EEF1A2: variants seen among roughly 807,000 people sequenced by gnomAD.
The protein encoded by EEF1A2 is elongation factor 1-alpha 2.
EEF1A2 carries 5 observed loss-of-function variants against 39.3 expected under a neutral mutation model. The observed-to-expected ratio is 0.13, with a 90% CI of 0.07 to 0.27. EEF1A2 has a LOEUF of 0.27. Ranked by LOEUF, EEF1A2 falls within the 10% of genes least tolerant of loss-of-function variation. The pLI is 1.00. For missense variants in EEF1A2, 218 were observed against 681.4 expected (o/e 0.32, Z 7.57); for synonymous variants, 287 against 293.7 (o/e 0.98, Z 0.23).
intron 5 of EEF1A2, 35 bp downstream of exon 5, chr20:63,493,088 GCAGGCAGAGCTGGC>G: frequency 6.5e-7 from 1 of 1,533,224 alleles, no homozygotes; most frequent in Non-Finnish European, 8.8e-7. Flanking sequence ...CTGGTCTAGG[GCAGGCAGAGCTGGC>G]CAGGCAGGAG....
intron 4 of EEF1A2, 60 bp from the exon 5 acceptor site, chr20:63,493,347 G>T: frequency 6.9e-7 from 1 of 1,457,818 alleles, no homozygotes. Flanking sequence ...CCACCCTCAG[G>T]CCTCCCCAGG....
rs1166766963 is a variant in EEF1A2 at position 63,490,666 on chromosome 20, G to A, written c.842C>T (p.Ala281Val). ...ILRPGMVVTFAPVNITTEVKS... is the reference protein window; with the variant it reads ...ILRPGMVVTFVPVNITTEVKS... The stretch of plus-strand genomic sequence containing the variant: ...CACCTCAGTGGTGATGTTCACTGGC[G>A]CAAAGGTCACCACCATGCCCGGCCG... Residue 281 changes from alanine to valine, a missense_variant, in exon 6 of 8, where the codon GCG (alanine) becomes GTG (valine). Ala to Val is a moderately conservative substitution (Grantham distance 64). This residue lies in a region of EEF1A2 where 80 missense variants were observed against 295.9 expected (regional missense o/e 0.27). Transcript: ENST00000217182. 9.3e-6 allele frequency: 15 copies of A among 1,611,638 alleles called. No homozygotes were observed. Among genetic ancestry groups the A allele is most frequent in the East Asian group, 2.2e-5 (1 of 44,888 alleles).
rs1741616 is a variant in EEF1A2 at position 63,498,213 on chromosome 20, C to G, written c.-71-379G>C. On this transcript the variant is annotated intron_variant, in intron 1 of 7. Coordinates refer to ENST00000217182, the MANE Select transcript of EEF1A2 (RefSeq NM_001958.5). The surrounding 1 kb of genome is among the most constrained non-coding windows in gnomAD (Gnocchi z 4.1). The stretch of plus-strand genomic sequence containing the variant: ...CAGCGCTCCAGGGCCCTGTCCTGCA[C>G]GCGCACTCCCCTCCCCGGCGGCAGG... 2 of 152,806 alleles carry G rather than the reference C, an allele frequency of 1.3e-5. No homozygotes were observed. The highest frequency in any genetic ancestry group is 2.9e-5 in the Non-Finnish European group (2 of 68,604). The allele number at this position is 152,806 out of a possible 1,614,324, so 9.5% of individuals were successfully genotyped here.
chr20:63,495,109 GCAGGGGACA>G lies in EEF1A2; in HGVS notation c.325-17_325-9del. On this transcript the variant is annotated splice_polypyrimidine_tract_variant and intron_variant, in intron 3 of 7. Coordinates refer to ENST00000217182, the MANE Select transcript of EEF1A2 (RefSeq NM_001958.5). Reference sequence around the variant, plus strand: ...CAGCACTGCGCAGTCCGCCTGCCCGGCAGGGGACACAGTGAGCCCTGCCCCGCCTGCCTG... The same window carrying G: ...CAGCACTGCGCAGTCCGCCTGCCCGGCAGTGAGCCCTGCCCCGCCTGCCTG... The G allele has an allele frequency of 6.2e-7, 1 of 1,604,656 alleles. No individual in the cohort carries two copies. The highest frequency in any genetic ancestry group is 8.5e-7 in the Non-Finnish European group (1 of 1,177,480).
In EEF1A2 at chr20:63,495,766, C is replaced by G. The variant is rs2082413492; in HGVS notation, c.324+90G>C. 2.7e-6 allele frequency: 4 copies of G among 1,506,318 alleles called. 1 individual carries two copies. In the South Asian group the frequency reaches 5.1e-5, roughly 19 times the overall value. 93.3% of individuals were successfully genotyped at this position (1,506,318 alleles called of 1,614,324 possible). A position where few individuals can be genotyped will look rare whatever the true frequency, so the allele number is the denominator to read the frequency against. ...TGCCCTCACAGGAAGCACAGGAGAC[C>G]CTACCATCCCAGTGACCCCAGGGGC... is the stretch of plus-strand genomic sequence containing the variant. On this transcript the variant is annotated intron_variant, in intron 3 of 7. Coordinates refer to ENST00000217182, the MANE Select transcript of EEF1A2 (RefSeq NM_001958.5).
intron 2 of EEF1A2, chr20:63,496,348 G>A (rs781455795): frequency 4.2e-5 from 15 of 355,900 alleles, no homozygotes; most frequent in African/African-American, 8.5e-5. Flanking sequence ...AACCCCTCCC[G>A]GGCGAGGGCT....
At chr20:63,496,397 C>T (rs767341895) in intron 2 of EEF1A2, 9 of 266,808 alleles carry the variant, frequency 3.4e-5, no homozygotes, top group Non-Finnish European at 5.8e-5. Context: ...CAGATCCCTT[C>T]CTCAACCAGA....
chr20:63,491,491 G>T (rs1236543039), intron 5 of EEF1A2, among the ~76,000 whole-genome samples: 3 of 152,238 alleles, frequency 2.0e-5, no homozygotes. Context: ...GTGCTGGGGT[G>T]AGCATGATGC....
intron 5 of EEF1A2, among the ~76,000 whole-genome samples, chr20:63,491,534 C>T (rs917928542): frequency 6.6e-6 from 1 of 152,168 alleles, no homozygotes; most frequent in Non-Finnish European, 1.5e-5. Context: ...CCTGCAACAT[C>T]TTTGGCTGCA....
intron 6 of EEF1A2, among the ~76,000 whole-genome samples, chr20:63,489,766 G>C (rs1020410149): frequency 6.6e-5 from 10 of 152,080 alleles, no homozygotes; most frequent in African/African-American, 1.9e-4. Context: ...CTGGGCAACA[G>C]AGCGAGACTC....
chr20:63,488,660 C>A (rs558454340), intron 7 of EEF1A2, among the ~76,000 whole-genome samples: 2 of 152,362 alleles, frequency 1.3e-5, no homozygotes, highest in African/African-American at 4.8e-5. Context: ...ACTGGGCGAC[C>A]GCGGGCCTTC....
In EEF1A2 at chr20:63,488,169, TGCAGACATGC is replaced by T. The variant is rs2082360396; in HGVS notation, c.*119_*128del. The T allele has an allele frequency of 2.1e-6, 1 of 486,674 alleles. No homozygotes were observed. Among genetic ancestry groups the T allele is most frequent in the Admixed American group, 9.3e-5 (1 of 10,754 alleles). 30.1% of individuals were successfully genotyped at this position (486,674 alleles called of 1,614,324 possible). The stretch of plus-strand genomic sequence containing the variant: ...ACCGAGGGCCTCTGGCAAGCGGAGG[TGCAGACATGC>T]GCCTGGCGGGGGTGCGGGGCGCCGG... On this transcript the variant is annotated 3_prime_UTR_variant, in exon 8 of 8. Coordinates refer to ENST00000217182, the MANE Select transcript of EEF1A2 (RefSeq NM_001958.5).
chr20:63,494,782 G>T, intron 4 of EEF1A2, 23 bp downstream of exon 4: 1 of 1,598,002 alleles, frequency 6.3e-7, no homozygotes. Flanking sequence ...CCCGTGGCCC[G>T]CCCCGCCCTA....
At chr20:63,491,073 G>A (rs181150064) in intron 5 of EEF1A2, among the ~76,000 whole-genome samples, 9 of 152,320 alleles carry the variant, frequency 5.9e-5, no homozygotes, top group South Asian at 2.1e-4. Context: ...CCTTGCCCCC[G>A]GAGAGCACTT....
chr20:63,496,193 C>G (rs549872030), intron 2 of EEF1A2, 158 bp from the exon 3 acceptor site: 21 of 860,178 alleles, frequency 2.4e-5, no homozygotes, highest in Non-Finnish European at 3.5e-5. Context: ...CGGCCCCCTC[C>G]GTCGGGACCC....
rs1248934076 is a variant in EEF1A2, at chr20:63,493,204, G to A, written c.705C>T (p.Ile235=). 2 of 1,548,836 alleles carry A rather than the reference G, an allele frequency of 1.3e-6. No homozygotes were observed. The highest frequency in any genetic ancestry group is 1.2e-5 in the South Asian group (1 of 83,970). Residue 235 remains isoleucine, a synonymous_variant, in exon 5 of 8, where the codon ATC becomes ATT. Coordinates refer to ENST00000217182, the MANE Select transcript of EEF1A2 (RefSeq NM_001958.5). ...TGTCCGTGGGGCGCGTGGGGGGCAG[G>A]ATGGTGTCCAGGGCCTCCAGCAGGG... ...GVSLLEALDT[I]LPPTRPTDKP...
At chr20:63,492,466 ATG>A (rs1384738216) in intron 5 of EEF1A2, among the ~76,000 whole-genome samples, 1,608 of 142,180 alleles carry the variant, frequency 0.011, no homozygotes, top group African/African-American at 0.044. Flanking sequence ...GGATGGATGG[ATG>A]GAGAGATGGA....
At position 63,490,725 on chromosome 20, in the gene EEF1A2, C is replaced by T. The variant is rs370695849; in HGVS notation, c.783G>A (p.Thr261=). Reference sequence around the variant, plus strand: ...CGGTCTCCACCCGGCCCACGGGCACCGTGCCAATGCCTGCAGAGGGGAGGG... The same window carrying T: ...CGGTCTCCACCCGGCCCACGGGCACTGTGCCAATGCCTGCAGAGGGGAGGG... ...QDVYKIGGIG[T]VPVGRVETGI... Residue 261 remains threonine, a synonymous_variant, in exon 6 of 8, where the codon ACG becomes ACA. Coordinates refer to ENST00000217182, the MANE Select transcript of EEF1A2 (RefSeq NM_001958.5). The T allele has an allele frequency of 6.3e-6, 10 of 1,599,818 alleles. 1 individual carries two copies. The East Asian group carries it at 6.7e-5, about 11-fold the overall frequency.
rs1226333365 is a variant in EEF1A2 at position 63,497,824 on chromosome 20, C to G, written c.-61G>C. 2 of 1,570,256 alleles carry G rather than the reference C, an allele frequency of 1.3e-6. No individual in the cohort carries two copies. The highest frequency in any genetic ancestry group is 2.7e-5 in the African/African-American group (2 of 73,988). On this transcript the variant is annotated 5_prime_UTR_variant, in exon 2 of 8. Transcript: ENST00000217182. This position sits in a 1 kb window ranked among gnomAD's most constrained non-coding sequence, Gnocchi z 7.3. ...GTGCTCTGGCTCAGGGCGAGGGGGG[C>G]TGCAGTGATTCTGTGGGGCCAGTGG...
Sources: gnomAD v4.1 joint callset for allele counts (sites outside exome capture counted in the v4.1 genomes callset) on GRCh38, gnomAD v4.1.1 for gene constraint, gnomAD v4.1.1 regional missense constraint, Gnocchi (gnomAD v3.1) non-coding constraint, MANE v1.5 for transcripts, NCBI Gene and HGNC (gene_info 2026-07-23, HGNC 2026-07-21) for gene names.